Variants in BBS9 observed in about 807,000 individuals in gnomAD.
BBS9 encodes the protein protein PTHB1.
BBS9 carries 89 observed loss-of-function variants against 117.7 expected under a neutral mutation model. The ratio of observed to expected loss-of-function variants is 0.76; its 90% CI spans 0.64 to 0.90. BBS9 has a LOEUF of 0.90. Among genes scored for constraint, BBS9 ranks in the 40% least tolerant of loss-of-function variants. The pLI is 0.00. For synonymous variants in BBS9, 379 were observed against 370.9 expected (o/e 1.02, Z -0.25); for missense variants, 982 against 1,042.2 (o/e 0.94, Z 0.80).
chr7:33,355,897 A>T (rs751069870), intron 15 of BBS9, among the ~76,000 whole-genome samples: 4 of 151,834 alleles, frequency 2.6e-5, no homozygotes, highest in Non-Finnish European at 5.9e-5. Context: ...AATTTTTTTT[A>T]ACTGTGAATT....
chr7:33,272,865 A>G, intron 7 of BBS9, 147 bp from the exon 8 acceptor site: 1 of 816,670 alleles, frequency 1.2e-6, no homozygotes, highest in South Asian at 1.6e-5. Flanking sequence ...TCATAGTGAT[A>G]AAAAAAAGAA....
chr7:33,196,862 A>T (rs1474298957), intron 5 of BBS9, among the ~76,000 whole-genome samples: 1 of 152,144 alleles, frequency 6.6e-6, no homozygotes, highest in African/African-American at 2.4e-5. Context: ...GTTACTTTCA[A>T]ATAGTGATTT....
intron 7 of BBS9, among the ~76,000 whole-genome samples, chr7:33,265,897 A>G (rs1798733531): frequency 6.6e-6 from 1 of 151,798 alleles, no homozygotes; most frequent in Non-Finnish European, 1.5e-5. Flanking sequence ...AAATATATGT[A>G]TTGTATATAA....
intron 15 of BBS9, among the ~76,000 whole-genome samples, chr7:33,354,576 G>A (rs1214339353): frequency 1.3e-5 from 2 of 152,106 alleles, no homozygotes; most frequent in African/African-American, 4.8e-5. Flanking sequence ...ACTCTAGCAG[G>A]CCCCTGGAAA....
chr7:33,478,884 T>G (rs1488691143), intron 19 of BBS9, among the ~76,000 whole-genome samples: 1 of 151,686 alleles, frequency 6.6e-6, no homozygotes, highest in Non-Finnish European at 1.5e-5. Flanking sequence ...GGTTTTTTTT[T>G]TTTTTTTTTT....
At chr7:33,465,132 T>C (rs538837588) in intron 19 of BBS9, among the ~76,000 whole-genome samples, 74 of 152,056 alleles carry the variant, frequency 4.9e-4, no homozygotes, top group African/African-American at 1.7e-3. Context: ...TTCCTGTACG[T>C]GTCTCAGTTG....
chr7:33,184,996 T>G (rs1798619202), intron 5 of BBS9, among the ~76,000 whole-genome samples: 1 of 152,230 alleles, frequency 6.6e-6, no homozygotes, highest in Non-Finnish European at 1.5e-5. Flanking sequence ...TTTCCTCCCC[T>G]CTTTAGACCA....
At chr7:33,360,789 T>C (rs1820483126) in intron 16 of BBS9, among the ~76,000 whole-genome samples, 1 of 152,158 alleles carries the variant, frequency 6.6e-6, no homozygotes, top group Non-Finnish European at 1.5e-5. Context: ...GCTCCTAAAA[T>C]GTTGGAATTA....
chr7:33,297,636 C>G (rs981724429), intron 9 of BBS9, among the ~76,000 whole-genome samples: 2 of 152,000 alleles, frequency 1.3e-5, no homozygotes, highest in Non-Finnish European at 2.9e-5. Flanking sequence ...GAGTGGGCAA[C>G]AAAAGATGTA....
chr7:33,493,211 T>A (rs1301335071), intron 19 of BBS9, among the ~76,000 whole-genome samples: 1 of 152,156 alleles, frequency 6.6e-6, no homozygotes, highest in Non-Finnish European at 1.5e-5. Context: ...GCCAGGCTGG[T>A]CTCAAACTCC....
chr7:33,177,593 T>C lies in BBS9; in HGVS notation c.442+2T>C, dbSNP rs1797515880. ...ATGGATCATTTGGTGGTGTAAAAGGTAATTTGCTTTTAATCATGAGTATGC... is the reference window on the plus strand; with the variant it reads ...ATGGATCATTTGGTGGTGTAAAAGGCAATTTGCTTTTAATCATGAGTATGC... On this transcript the variant is annotated splice_donor_variant, in intron 5 of 22. Coordinates refer to ENST00000242067, the MANE Select transcript of BBS9 (RefSeq NM_198428.3). LOFTEE classifies it high-confidence loss of function. 1 of 1,589,156 alleles carries C rather than the reference T, an allele frequency of 6.3e-7. No homozygotes were observed. The highest frequency in any genetic ancestry group is 8.6e-7 in the Non-Finnish European group (1 of 1,157,736).
chr7:33,291,354 C>T (rs1281888317), intron 9 of BBS9, among the ~76,000 whole-genome samples: 1 of 151,982 alleles, frequency 6.6e-6, no homozygotes, highest in Non-Finnish European at 1.5e-5. Context: ...TCCAGGTTAC[C>T]TTTGCCTATT....
chr7:33,284,974 A>G (rs908715563), intron 9 of BBS9, among the ~76,000 whole-genome samples: 2 of 152,144 alleles, frequency 1.3e-5, no homozygotes, highest in Non-Finnish European at 2.9e-5. Context: ...AGTACATCTT[A>G]CTTTGAAACA....
intron 9 of BBS9, among the ~76,000 whole-genome samples, chr7:33,319,254 C>T (rs1811190176): frequency 6.6e-6 from 1 of 151,900 alleles, no homozygotes; most frequent in Non-Finnish European, 1.5e-5. Flanking sequence ...AGTAGTATTC[C>T]ATTGTATATA....
intron 2 of BBS9, among the ~76,000 whole-genome samples, 193 bp downstream of exon 2, chr7:33,146,557 G>C (rs1426043922): frequency 6.6e-6 from 1 of 152,000 alleles, no homozygotes; most frequent in Non-Finnish European, 1.5e-5. Context: ...AAATTAGCTG[G>C]GCTTGGTGGT....
At chr7:33,185,908 C>A (rs1323453513) in intron 5 of BBS9, among the ~76,000 whole-genome samples, 1 of 152,140 alleles carries the variant, frequency 6.6e-6, no homozygotes. Context: ...TGGCAGTCCT[C>A]TATAACTTTT....
intron 19 of BBS9, among the ~76,000 whole-genome samples, chr7:33,417,904 T>C (rs1832268549): frequency 6.6e-6 from 1 of 152,178 alleles, no homozygotes; most frequent in Non-Finnish European, 1.5e-5. Flanking sequence ...CTTTTTGAGT[T>C]TGGGCACTCT....
At chr7:33,620,137 G>A (rs1346821270) in intron 21 of BBS9, among the ~76,000 whole-genome samples, 1 of 151,832 alleles carries the variant, frequency 6.6e-6, no homozygotes, top group Non-Finnish European at 1.5e-5. Flanking sequence ...ATTATAAATG[G>A]AGGAAGAGAC....
At chr7:33,231,176 C>T (rs1279286075) in intron 5 of BBS9, among the ~76,000 whole-genome samples, 1 of 145,260 alleles carries the variant, frequency 6.9e-6, no homozygotes, top group Non-Finnish European at 1.5e-5. Flanking sequence ...TTTTCTGTCA[C>T]CCTTTTTTTT....
Sources: allele counts gnomAD v4.1 joint callset (sites outside exome capture counted in the v4.1 genomes callset), GRCh38; gene constraint gnomAD v4.1.1; transcripts MANE v1.5; gene names NCBI Gene and HGNC (gene_info 2026-07-23, HGNC 2026-07-21).